SLC38A5: variants seen among roughly 807,000 people sequenced by gnomAD.
The protein encoded by SLC38A5 is solute carrier family 38 member 5.
A neutral mutation model predicts 34.6 loss-of-function variants in SLC38A5; 9 were observed. That is an observed-to-expected ratio of 0.26 (90% CI 0.16 to 0.45). The LOEUF is 0.45. Ranked by LOEUF, SLC38A5 falls within the 20% of genes least tolerant of loss-of-function variation. The pLI, the probability that SLC38A5 is intolerant of heterozygous loss-of-function variation, is 1.00. For synonymous variants in SLC38A5, 157 were observed against 155.6 expected (o/e 1.01, Z -0.07); for missense variants, 253 against 394.7 (o/e 0.64, Z 3.04).
At position 48,465,896 on chromosome X, in the gene SLC38A5, A is replaced by C. The variant is rs782282880; in HGVS notation, c.491+119T>G. ...TCAGTCTGACCCAAGTGGCCTGCCC[A>C]GCAGTCTCAAACTAGAACATCTGGA... On this transcript the variant is annotated intron_variant, in intron 8 of 16. Transcript: ENST00000620913. 147 of 620,042 alleles carry C rather than the reference A, an allele frequency of 2.4e-4. No individual in the cohort carries two copies. The East Asian group carries it at 4.4e-3, about 19-fold the overall frequency. 51.1% of individuals were successfully genotyped at this position (620,042 alleles called of 1,213,427 possible). A position where few individuals can be genotyped will look rare whatever the true frequency, so the allele number is the denominator to read the frequency against.
chrX:48,461,863 C>T, intron 11 of SLC38A5, 66 bp from the exon 12 acceptor site: 1 of 1,150,758 alleles, frequency 8.7e-7, no homozygotes, highest in Admixed American at 2.5e-5. Flanking sequence ...TCCCATCCCC[C>T]TCCCGCCCCG....
At chrX:48,460,218 G>C (rs1401212948) in intron 14 of SLC38A5, among the ~76,000 whole-genome samples, 2 of 110,698 alleles carry the variant, frequency 1.8e-5, no homozygotes, top group African/African-American at 6.6e-5. Flanking sequence ...TGAGCTCCCT[G>C]CCTCTCTCCA....
Position 48,460,713 on chromosome X carries a change from A to G in SLC38A5, c.1004T>C (p.Ile335Thr). The G allele has an allele frequency of 1.7e-6, 2 of 1,212,015 alleles. No homozygotes were observed. Among genetic ancestry groups the G allele is most frequent in the South Asian group, 3.5e-5 (2 of 57,013 alleles). Residue 335 changes from isoleucine to threonine, a missense_variant, in exon 14 of 17, where the codon ATC becomes ACC. Around this residue, in one of 3 missense-constraint regions of SLC38A5, gnomAD observed 176 missense variants for 273.0 expected, o/e 0.64. Coordinates refer to ENST00000620913, the MANE Select transcript of SLC38A5 (RefSeq NM_033518.4). ...CAGCACGGCCAGGCGCACACAGAGG[A>G]TGAGCGGGTCCTTCTGGCTGTACAT... ...LHMYSQKDPL[I>T]LCVRLAVLLA...
intron 1 of SLC38A5, chrX:48,469,891 G>A (rs149890505): frequency 0.011 from 1,239 of 111,547 alleles, 22 homozygotes; most frequent in African/African-American, 0.039. Flanking sequence ...GGTGGGTAGG[G>A]ATAGGCTCGT....
chrX:48,462,124 T>G lies in SLC38A5; in HGVS notation c.654A>C (p.Gln218His). The change falls in exon 11 of 17, where the codon CAA becomes CAC. Residue 218 changes from glutamine to histidine, a missense_variant. Coordinates refer to ENST00000620913, the MANE Select transcript of SLC38A5 (RefSeq NM_033518.4). The part of the protein sequence containing the change: ...FLVSVIYKKF[Q>H]LGCAIGHNET... ...CATTGTGGCCTATAGCACAGCCAAG[T>G]TGGAACTTCTTGTAGATGACCTGAG... 8.3e-7 allele frequency: 1 copy of G among 1,203,798 alleles called. No homozygotes were observed. The highest frequency in any genetic ancestry group is 1.1e-6 in the Non-Finnish European group (1 of 890,434).
At chrX:48,468,504 C>T (rs1264374343) in intron 2 of SLC38A5, 1 of 551,056 alleles carries the variant, frequency 1.8e-6, no homozygotes, top group Non-Finnish European at 2.2e-6. Flanking sequence ...GCTAATGCAA[C>T]CTGTTGAGTG....
At chrX:48,465,929 T>A (rs2061472660) in intron 8 of SLC38A5, 86 bp downstream of exon 8, 1 of 823,229 alleles carries the variant, frequency 1.2e-6, no homozygotes, top group Non-Finnish European at 1.7e-6. Flanking sequence ...GGAAGTCAGC[T>A]GCACACACAG....
At position 48,459,873 on chromosome X, in the gene SLC38A5, G is replaced by A. The variant is rs782297024; in HGVS notation, c.1072C>T (p.Arg358Cys). ...LTVPVVLFPI[R>C]RALQQLLFPG... ...AAAAGCAGCTGCTGCAGGGCCCGGC[G>A]GATCTGTGGCCAGAGTAGGGTGGGA... The change falls in exon 15 of 17, where the codon CGC (arginine) becomes TGC (cysteine). Residue 358 changes from arginine to cysteine, a missense_variant. Around this residue, in one of 3 missense-constraint regions of SLC38A5, gnomAD observed 176 missense variants for 273.0 expected, o/e 0.64. Transcript: ENST00000620913. The A allele has an allele frequency of 2.5e-6, 3 of 1,206,943 alleles. No homozygotes were observed. Among genetic ancestry groups the A allele is most frequent in the Non-Finnish European group, 2.2e-6 (2 of 893,381 alleles).
At chrX:48,464,554 G>A (rs1257357029) in intron 8 of SLC38A5, among the ~76,000 whole-genome samples, 1 of 112,316 alleles carries the variant, frequency 8.9e-6, no homozygotes, top group Non-Finnish European at 1.9e-5. Context: ...CCAGCACTTT[G>A]GGAGGCCAAG....
At chrX:48,466,655 C>A in intron 6 of SLC38A5, 144 bp downstream of exon 6, 1 of 629,010 alleles carries the variant, frequency 1.6e-6, no homozygotes, top group South Asian at 2.6e-5. Flanking sequence ...TTCTGGGGTG[C>A]TGGGTCCGGG....
rs2061415175 is a variant in SLC38A5, at chrX:48,458,691, T to TCCC, written c.*241_*242insGGG. 1 of 987,920 alleles carries TCCC rather than the reference T, an allele frequency of 1.0e-6. No homozygotes were observed. The highest frequency in any genetic ancestry group is 1.3e-6 in the Non-Finnish European group (1 of 784,605). 81.4% of individuals were successfully genotyped at this position (987,920 alleles called of 1,213,427 possible). ...CTCCTCCTCCTCCTCCTCCTCCTCCTCCTCTTCTTCCTCCTCCTCCTCCTC... is the reference window on the plus strand; with the variant it reads ...CTCCTCCTCCTCCTCCTCCTCCTCCTCCCCCTCTTCTTCCTCCTCCTCCTCCTC... On this transcript the variant is annotated 3_prime_UTR_variant, in exon 17 of 17. Coordinates refer to ENST00000620913, the MANE Select transcript of SLC38A5 (RefSeq NM_033518.4).
At chrX:48,469,052 G>A in intron 2 of SLC38A5, 2 of 752,830 alleles carry the variant, frequency 2.7e-6, no homozygotes, top group Non-Finnish European at 3.1e-6. Flanking sequence ...GCTCAAACTG[G>A]CTCAGGAAAT....
chrX:48,466,979 C>T lies in SLC38A5; in HGVS notation c.228G>A (p.Thr76=), dbSNP rs151052876. 8.1e-5 allele frequency: 98 copies of T among 1,210,729 alleles called. No homozygotes were observed. The highest frequency in any genetic ancestry group is 1.0e-4 in the Non-Finnish European group (93 of 895,231). The change falls in exon 5 of 17, where the codon ACG becomes ACA. Residue 76 remains threonine, a synonymous_variant. Transcript: ENST00000620913. ...GGACTCACAGGAAGAAGATGACCCC[C>T]GTGTGGGCCATGGCATAGGCCAGCC... is the stretch of plus-strand genomic sequence containing the variant. ...ILGLAYAMAH[T]GVIFFLALLL...
At chrX:48,467,385 T>TGG in intron 4 of SLC38A5, 1 of 377,548 alleles carries the variant, frequency 2.6e-6, no homozygotes, top group Non-Finnish European at 4.6e-6. Flanking sequence ...ACGCTGCGGG[T>TGG]GGGGATAGGC....
intron 2 of SLC38A5, chrX:48,468,380 C>CCTCAAG: frequency 3.9e-6 from 3 of 769,297 alleles, no homozygotes; most frequent in Non-Finnish European, 4.6e-6. Context: ...CCACCCTCAC[C>CCTCAAG]GCGTGGCCAG....
chrX:48,463,613 T>A (rs189380841), intron 8 of SLC38A5, among the ~76,000 whole-genome samples: 1,169 of 89,276 alleles, frequency 0.013, 21 homozygotes, highest in African/African-American at 0.044. Flanking sequence ...CTCAAAAAAA[T>A]AAATAAATAA....
In SLC38A5 at chrX:48,467,714, A is replaced by G; in HGVS notation, c.125T>C (p.Met42Thr). 8.3e-7 allele frequency: 1 copy of G among 1,207,617 alleles called. No homozygotes were observed. The highest frequency in any genetic ancestry group is 1.1e-6 in the Non-Finnish European group (1 of 893,573). ...AGATCCTGTGGGGCCACTCACATCC[A>G]TGAACTGGACCGGCTTGCTCCCAGG... The part of the protein sequence containing the change: ...PAPGSKPVQF[M>T]DFEGKTSFGM... Residue 42 changes from methionine (M) to threonine (T), a missense_variant, in exon 4 of 17, where the codon ATG becomes ACG. By Grantham distance (81) the Met-to-Thr change is moderately conservative. This residue lies in a region of SLC38A5 where 40 missense variants were observed against 36.4 expected (regional missense o/e 1.10). Coordinates refer to ENST00000620913, the MANE Select transcript of SLC38A5 (RefSeq NM_033518.4).
In SLC38A5 at chrX:48,466,885, G is replaced by A. The variant is rs782347323; in HGVS notation, c.246-13C>T. Reference sequence around the variant, plus strand: ...CAGCAGCAGGGCCCTGCGGCAGGTGGCACAGCTCAGACCTGGCCCCAGGCC... The same window carrying A: ...CAGCAGCAGGGCCCTGCGGCAGGTGACACAGCTCAGACCTGGCCCCAGGCC... On this transcript the variant is annotated splice_polypyrimidine_tract_variant and intron_variant, in intron 5 of 16. Transcript: ENST00000620913. 9.1e-6 allele frequency: 11 copies of A among 1,202,797 alleles called. No homozygotes were observed. The South Asian group carries it at 2.0e-4, about 22-fold the overall frequency.
chrX:48,462,813 C>A, intron 9 of SLC38A5, 85 bp downstream of exon 9: 1 of 732,587 alleles, frequency 1.4e-6, no homozygotes, highest in South Asian at 2.6e-5. Context: ...TGTGCTGCAG[C>A]CCTTGAAAAT....
Sources: allele counts gnomAD v4.1 joint callset (sites outside exome capture counted in the v4.1 genomes callset), GRCh38; gene constraint gnomAD v4.1.1; regional missense constraint gnomAD v4.1.1; transcripts MANE v1.5; gene names NCBI Gene and HGNC (gene_info 2026-07-23, HGNC 2026-07-21).